Variants in AKT3 observed in about 807,000 individuals in gnomAD.
AKT3 encodes the protein AKT serine/threonine kinase 3.
AKT3 carries 15 observed loss-of-function variants against 65.3 expected under a neutral mutation model. The ratio of observed to expected loss-of-function variants is 0.23; its 90% CI spans 0.15 to 0.35. AKT3 has a LOEUF of 0.35. Ranked by LOEUF, AKT3 falls within the 10% of genes least tolerant of loss-of-function variation. The probability of loss-of-function intolerance (pLI) is 1.00; values close to 1 mark genes in which losing one functional copy is unlikely to be tolerated. For synonymous variants in AKT3, 206 were observed against 183.8 expected (o/e 1.12, Z -0.98); for missense variants, 243 against 576.5 (o/e 0.42, Z 5.92).
At chr1:243,808,577 G>A (rs1692906167) in intron 2 of AKT3, among the ~76,000 whole-genome samples, 1 of 152,326 alleles carries the variant, frequency 6.6e-6, no homozygotes, top group Admixed American at 6.5e-5. Context: ...AAGTGACAGG[G>A]AGAATGGAAC....
At chr1:243,773,595 A>T (rs1261137546) in intron 2 of AKT3, among the ~76,000 whole-genome samples, 1 of 152,144 alleles carries the variant, frequency 6.6e-6, no homozygotes, top group Non-Finnish European at 1.5e-5. Context: ...ACTGTGCCCC[A>T]GCCTGGGCAA....
intron 3 of AKT3, among the ~76,000 whole-genome samples, chr1:243,686,647 A>AT (rs1684328368): frequency 4.3e-5 from 1 of 23,208 alleles, no homozygotes; most frequent in East Asian, 7.8e-4. Flanking sequence ...ATATATATAT[A>AT]TATATTTTTT....
chr1:243,767,396 T>C (rs1194049645), intron 2 of AKT3, among the ~76,000 whole-genome samples: 2 of 152,196 alleles, frequency 1.3e-5, no homozygotes, highest in Non-Finnish European at 2.9e-5. Flanking sequence ...TATGGTTTCG[T>C]TGATCATAAT....
chr1:243,753,560 A>T (rs1326947223), intron 2 of AKT3, among the ~76,000 whole-genome samples: 2 of 152,222 alleles, frequency 1.3e-5, no homozygotes, highest in Non-Finnish European at 2.9e-5. Context: ...AATTTGGTTT[A>T]AGAAAGAAAT....
chr1:243,798,889 A>G (rs568783974), intron 2 of AKT3, among the ~76,000 whole-genome samples: 1 of 152,064 alleles, frequency 6.6e-6, no homozygotes, highest in Admixed American at 6.5e-5. Flanking sequence ...TACTCATCAT[A>G]CCTCCTTCAC....
At chr1:243,520,798 C>T (rs911589061) in intron 12 of AKT3, among the ~76,000 whole-genome samples, 17 of 152,294 alleles carry the variant, frequency 1.1e-4, no homozygotes, top group African/African-American at 2.2e-4. Flanking sequence ...ACTTCAAGTC[C>T]GTATGGTGAC....
chr1:243,707,565 T>C, intron 2 of AKT3, among the ~76,000 whole-genome samples: 1 of 152,252 alleles, frequency 6.6e-6, no homozygotes, highest in East Asian at 1.9e-4. Flanking sequence ...ATAAGAAAGT[T>C]ACTCCATACA....
intron 8 of AKT3, among the ~76,000 whole-genome samples, chr1:243,580,773 T>C (rs1017427108): frequency 2.0e-5 from 3 of 152,154 alleles, no homozygotes; most frequent in South Asian, 2.1e-4. Flanking sequence ...TGTGGTGCAG[T>C]AGGGCCCTTG....
At chr1:243,759,312 C>A (rs570959498) in intron 2 of AKT3, among the ~76,000 whole-genome samples, 1 of 149,522 alleles carries the variant, frequency 6.7e-6, no homozygotes, top group African/African-American at 2.4e-5. Context: ...AGAGTAAAAC[C>A]CTGTCTCACC....
In AKT3 at chr1:243,784,207, C is replaced by G. The variant is rs190863240; in HGVS notation, c.46+58918G>C. 4.7e-4 allele frequency among the ~76,000 whole-genome samples: 71 copies of G among 152,110 alleles called. 2 individuals carry two copies. In the East Asian group the frequency reaches 0.013, roughly 28 times the overall value. On this transcript the variant is annotated intron_variant, in intron 2 of 13. Coordinates refer to ENST00000673466, the MANE Select transcript of AKT3 (RefSeq NM_005465.7). ...CCTGAGAAGTACATAATGAAAAATCCTTCAAAAAGCTAAGGAAAGAGGAGA... is the reference window on the plus strand; with the variant it reads ...CCTGAGAAGTACATAATGAAAAATCGTTCAAAAAGCTAAGGAAAGAGGAGA...
chr1:243,541,508 T>C (rs1042400954), intron 12 of AKT3, among the ~76,000 whole-genome samples: 2 of 152,112 alleles, frequency 1.3e-5, no homozygotes, highest in Non-Finnish European at 2.9e-5. Context: ...CCTATACTAG[T>C]GCTGAAATCA....
intron 2 of AKT3, among the ~76,000 whole-genome samples, chr1:243,785,980 C>A (rs1260913938): frequency 6.6e-6 from 1 of 152,220 alleles, no homozygotes; most frequent in Non-Finnish European, 1.5e-5. Flanking sequence ...GAAAGATACT[C>A]TGCAAGTGAG....
chr1:243,799,902 ATTTC>A (rs1417157255), intron 2 of AKT3, among the ~76,000 whole-genome samples: 3 of 152,160 alleles, frequency 2.0e-5, no homozygotes, highest in South Asian at 2.1e-4. Context: ...AAAGAAAAAT[ATTTC>A]TTTCTAGTTA....
intron 8 of AKT3, among the ~76,000 whole-genome samples, chr1:243,595,531 A>G (rs949245754): frequency 3.3e-5 from 5 of 152,194 alleles, no homozygotes; most frequent in African/African-American, 1.2e-4. Context: ...CTCTTTTATA[A>G]CAGTTTAAAA....
intron 12 of AKT3, among the ~76,000 whole-genome samples, chr1:243,542,273 C>A (rs967449937): frequency 1.1e-4 from 16 of 152,184 alleles, no homozygotes; most frequent in Admixed American, 5.9e-4. Context: ...AGGATCATAT[C>A]TTTTGCATGA....
At chr1:243,775,609 A>G (rs1690499020) in intron 2 of AKT3, among the ~76,000 whole-genome samples, 1 of 152,242 alleles carries the variant, frequency 6.6e-6, no homozygotes, top group South Asian at 2.1e-4. Context: ...ACCAAAAACG[A>G]AAGAATAGGA....
At chr1:243,708,652 T>C (rs1271679557) in intron 2 of AKT3, among the ~76,000 whole-genome samples, 5 of 152,022 alleles carry the variant, frequency 3.3e-5, no homozygotes, top group Non-Finnish European at 7.4e-5. Flanking sequence ...ATCACTGAAG[T>C]CATCCAAAAT....
At chr1:243,784,233 C>G (rs554971423) in intron 2 of AKT3, among the ~76,000 whole-genome samples, 1 of 151,992 alleles carries the variant, frequency 6.6e-6, no homozygotes, top group Non-Finnish European at 1.5e-5. Flanking sequence ...AAAGAGGAGA[C>G]CAGGCAAGTG....
intron 2 of AKT3, among the ~76,000 whole-genome samples, chr1:243,749,510 C>T (rs1200336403): frequency 6.6e-6 from 1 of 152,110 alleles, no homozygotes; most frequent in African/African-American, 2.4e-5. Flanking sequence ...TCAGAATACC[C>T]CCTTTACTTA....
Sources: allele counts gnomAD v4.1 joint callset (sites outside exome capture counted in the v4.1 genomes callset), GRCh38; gene constraint gnomAD v4.1.1; transcripts MANE v1.5; gene names NCBI Gene and HGNC (gene_info 2026-07-23, HGNC 2026-07-21).